MYMK: variants seen among roughly 807,000 people sequenced by gnomAD.
MYMK encodes protein myomaker.
In MYMK, 16 loss-of-function variants were observed where a neutral mutation model predicts 22.4. That is an observed-to-expected ratio of 0.72 (90% CI 0.48 to 1.09). The LOEUF (loss-of-function observed/expected upper bound fraction) is 1.09. Among genes scored for constraint, MYMK ranks in the 50% least tolerant of loss-of-function variants. The pLI is 0.00. For missense variants in MYMK, 250 were observed against 295.6 expected (o/e 0.85, Z 1.13); for synonymous variants, 125 against 127.0 (o/e 0.98, Z 0.11).
At chr9:133,521,011 C>T (rs566923052) in intron 1 of MYMK, among the ~76,000 whole-genome samples, 2 of 152,136 alleles carry the variant, frequency 1.3e-5, no homozygotes, top group African/African-American at 4.8e-5. Context: ...GGCTGTAGCT[C>T]CTGGTTTCTG....
Position 133,524,831 on chromosome 9 carries a change from A to G in MYMK, c.14T>C (p.Val5Ala). The G allele has an allele frequency of 6.2e-7, 1 of 1,610,816 alleles. No homozygotes were observed. The highest frequency in any genetic ancestry group is 1.1e-5 in the South Asian group (1 of 90,746). Residue 5 changes from valine to alanine, a missense_variant, in exon 1 of 5, where the codon GTG becomes GCG. By Grantham distance (64) the Val-to-Ala change is moderately conservative (BLOSUM62 0). Transcript: ENST00000339996. MGTLVAKLLLPTLSS... is the reference protein window; with the variant it reads MGTLAAKLLLPTLSS... ...GAGGGTGGGCAGGAGCAGCTTGGCC[A>G]CCAGCGTCCCCATGGGCCAGGAGGA...
rs1844739083 is a variant in MYMK, at chr9:133,524,750, A to G, written c.95T>C (p.Met32Thr). The G allele has an allele frequency of 1.9e-6, 3 of 1,614,066 alleles. No homozygotes were observed. Among genetic ancestry groups the G allele is most frequent in the Admixed American group, 1.7e-5 (1 of 60,014 alleles). The change falls in exon 1 of 5, where the codon ATG becomes ACG. Residue 32 changes from methionine to threonine, a missense_variant. Coordinates refer to ENST00000339996, the MANE Select transcript of MYMK (RefSeq NM_001080483.3). ...GGTGAAGAGGTAGACCATGGCCTCC[A>G]TGTGGAACCGCCTCTTGGCCGCGAT... Reference protein sequence around the residue: ...VSIAAKRRFHMEAMVYLFTLF... With the variant: ...VSIAAKRRFHTEAMVYLFTLF...
At chr9:133,520,502 C>T (rs895876030) in intron 1 of MYMK, among the ~76,000 whole-genome samples, 3 of 152,174 alleles carry the variant, frequency 2.0e-5, no homozygotes, top group Non-Finnish European at 4.4e-5. Context: ...CACATGCCAG[C>T]GAGGTGTTTA....
At chr9:133,518,470 GTGA>G (rs1404731749) in intron 3 of MYMK, among the ~76,000 whole-genome samples, 1 of 152,270 alleles carries the variant, frequency 6.6e-6, no homozygotes, top group Non-Finnish European at 1.5e-5. Context: ...AGTAAGAGCG[GTGA>G]TGAGAGTGAT....
intron 1 of MYMK, among the ~76,000 whole-genome samples, chr9:133,521,388 C>T (rs557685965): frequency 2.0e-5 from 3 of 152,192 alleles, no homozygotes; most frequent in Admixed American, 6.5e-5. Flanking sequence ...TGTCTGGAGG[C>T]GACAGGGACA....
chr9:133,519,044 AG>A, intron 2 of MYMK, 22 bp from the exon 3 acceptor site: 1 of 1,612,924 alleles, frequency 6.2e-7, no homozygotes. Context: ...AGGGAGACAC[AG>A]GGGGAGGTGA....
At position 133,518,939 on chromosome 9, in the gene MYMK, G is replaced by A. The variant is rs1844665044; in HGVS notation, c.334C>T (p.Arg112Ter). The A allele has an allele frequency of 6.2e-7, 1 of 1,613,890 alleles. No individual in the cohort carries two copies. Among genetic ancestry groups the A allele is most frequent in the Non-Finnish European group, 8.5e-7 (1 of 1,179,988 alleles). ...LTIAVRIYHD[R>*]WGYGVYSGPI... ...CCCGAGTACACCCCGTAGCCCCATCGGTCATGGTAGATCCGCACAGCAATG... is the reference window on the plus strand; with the variant it reads ...CCCGAGTACACCCCGTAGCCCCATCAGTCATGGTAGATCCGCACAGCAATG... The change falls in exon 3 of 5, where the codon CGA (arginine) becomes TGA (stop). Residue 112 changes from arginine (R) to a stop codon, truncating the protein, a stop_gained. Coordinates refer to ENST00000339996, the MANE Select transcript of MYMK (RefSeq NM_001080483.3). LOFTEE classifies it high-confidence loss of function.
intron 1 of MYMK, 38 bp from the exon 2 acceptor site, chr9:133,520,326 G>T: frequency 1.9e-6 from 3 of 1,570,012 alleles, no homozygotes; most frequent in Non-Finnish European, 2.6e-6. Flanking sequence ...GCACAAAGAG[G>T]CCAGAGCTGG....
rs1844739746 is a variant in MYMK, at chr9:133,524,793, A to G, written c.52T>C (p.Phe18Leu). Residue 18 changes from phenylalanine (F) to leucine (L), a missense_variant, in exon 1 of 5, where the codon TTC becomes CTC. By Grantham distance (22) the Phe-to-Leu change is conservative (BLOSUM62 0). Transcript: ENST00000339996. ...LLLPTLSSLA[F>L]LPTVSIAAKR... ...GCCGCGATGCTGACAGTGGGGAGGAAGGCCAGGCTGCTGAGGGTGGGCAGG... is the reference window on the plus strand; with the variant it reads ...GCCGCGATGCTGACAGTGGGGAGGAGGGCCAGGCTGCTGAGGGTGGGCAGG... 2.5e-6 allele frequency: 4 copies of G among 1,613,840 alleles called. No homozygotes were observed. Among genetic ancestry groups the G allele is most frequent in the Non-Finnish European group, 3.4e-6 (4 of 1,179,966 alleles).
rs758460107 is a variant in MYMK at position 133,514,789 on chromosome 9, C to CG, written c.517-5dup. On this transcript the variant is annotated splice_region_variant and splice_polypyrimidine_tract_variant and intron_variant, in intron 4 of 4. Transcript: ENST00000339996. The stretch of plus-strand genomic sequence containing the variant: ...GGACATAAGTGTAGTCCCAGTCCTG[C>CG]GGGGGGCAAGCGGTCAGTCTGGGGC... The CG allele has an allele frequency of 5.0e-6, 8 of 1,612,564 alleles. No individual in the cohort carries two copies. Among genetic ancestry groups the CG allele is most frequent in the South Asian group, 1.1e-5 (1 of 90,968 alleles).
At chr9:133,520,658 C>A (rs1448731815) in intron 1 of MYMK, among the ~76,000 whole-genome samples, 1 of 152,194 alleles carries the variant, frequency 6.6e-6, no homozygotes, top group Non-Finnish European at 1.5e-5. Flanking sequence ...CTACACGGCT[C>A]TCCCCGGACC....
chr9:133,520,159 G>A lies in MYMK; in HGVS notation c.250+15C>T, dbSNP rs377266673. ...CCTTGTCCGCAAGGCTTGTCTGCAG[G>A]GGTTGACCACTCACCCATCAGCGAG... On this transcript the variant is annotated intron_variant, in intron 2 of 4. Coordinates refer to ENST00000339996, the MANE Select transcript of MYMK (RefSeq NM_001080483.3). The A allele has an allele frequency of 2.9e-5, 46 of 1,604,124 alleles. No individual in the cohort carries two copies. The African/African-American group carries it at 5.1e-4, about 18-fold the overall frequency.
At chr9:133,516,184 T>G (rs1259207074) in intron 3 of MYMK, among the ~76,000 whole-genome samples, 3 of 152,252 alleles carry the variant, frequency 2.0e-5, no homozygotes, top group Non-Finnish European at 4.4e-5. Context: ...GGGTTTGCAT[T>G]CCGAGGAAGA....
At chr9:133,520,385 A>G in intron 1 of MYMK, 97 bp from the exon 2 acceptor site, 1 of 924,308 alleles carries the variant, frequency 1.1e-6, no homozygotes, top group Non-Finnish European at 1.7e-6. Context: ...TGGCTGTGAG[A>G]AGTCACTTTG....
chr9:133,522,348 G>GC (rs941225787), intron 1 of MYMK, among the ~76,000 whole-genome samples: 4 of 151,950 alleles, frequency 2.6e-5, no homozygotes, highest in African/African-American at 7.3e-5. Context: ...GCTGTCGGGG[G>GC]GGGGCCTCCT....
In MYMK at chr9:133,515,334, A is replaced by T. The variant is rs1844617844; in HGVS notation, c.516+157T>A. ...CTGGGGACGGCATTGCCCCCGACAT[A>T]GCCCTGGGAGGGGCTAGTGAGCAGG... On this transcript the variant is annotated intron_variant, in intron 4 of 4. Transcript: ENST00000339996. The surrounding 1 kb of genome is among the most constrained non-coding windows in gnomAD (Gnocchi z 5.8). Among the ~76,000 whole-genome samples the T allele has an allele frequency of 6.6e-6, 1 of 152,152 alleles. No homozygotes were observed.
chr9:133,517,712 G>GGAAA (rs1844648886), intron 3 of MYMK, among the ~76,000 whole-genome samples: 1 of 150,578 alleles, frequency 6.6e-6, no homozygotes, highest in Non-Finnish European at 1.5e-5. Context: ...CCACTGCCCT[G>GGAAA]CCATGACGTC....
chr9:133,523,256 C>T (rs1240031814), intron 1 of MYMK, among the ~76,000 whole-genome samples: 2 of 152,258 alleles, frequency 1.3e-5, no homozygotes, highest in African/African-American at 4.8e-5. Context: ...GCTCACGGGC[C>T]TCACCCGCTC....
chr9:133,521,543 A>G (rs1424062669), intron 1 of MYMK, among the ~76,000 whole-genome samples: 1 of 152,184 alleles, frequency 6.6e-6, no homozygotes, highest in Non-Finnish European at 1.5e-5. Flanking sequence ...ATCTAAAATG[A>G]GGGAGGCGGC....
Sources: gnomAD v4.1 joint callset for allele counts (sites outside exome capture counted in the v4.1 genomes callset) on GRCh38, gnomAD v4.1.1 for gene constraint, Gnocchi (gnomAD v3.1) non-coding constraint, MANE v1.5 for transcripts, NCBI Gene and HGNC (gene_info 2026-07-23, HGNC 2026-07-21) for gene names.